RANGAP1: variants seen among roughly 807,000 people sequenced by gnomAD.
The protein encoded by RANGAP1 is Ran GTPase activating protein 1.
In RANGAP1, 38 loss-of-function variants were observed where a neutral mutation model predicts 63.5. The observed-to-expected ratio is 0.60, with a 90% CI of 0.46 to 0.78. The LOEUF (loss-of-function observed/expected upper bound fraction) is 0.78. RANGAP1 is among the 30% of genes least tolerant of loss of function. The probability of loss-of-function intolerance (pLI) is 0.00; values close to 1 mark genes in which losing one functional copy is unlikely to be tolerated. For missense variants in RANGAP1, 630 were observed against 740.3 expected, an observed-to-expected ratio of 0.85 and a Z score of 1.73; for synonymous variants, 329 against 310.5, an observed-to-expected ratio of 1.06 and a Z score of -0.63.
the RANGAP1 span, among the ~76,000 whole-genome samples, chr22:41,302,050 C>G: frequency 2.0e-5 from 3 of 152,270 alleles, no homozygotes; most frequent in South Asian, 2.1e-4. This position sits in a 1 kb window ranked among gnomAD's most constrained non-coding sequence, Gnocchi z 5.7. Context: ...CCGGGGGCAC[C>G]TGGCGCTGGG....
rs374556452 is a variant in RANGAP1, at chr22:41,263,372, CTGTT to C, written c.480+1288_480+1291del. ...CTGACGCAAACGTTTTTATATGTTT[CTGTT>C]TGTTTGTTTGTTTGTTTGTTTTTTT... On this transcript the variant is annotated intron_variant, in intron 5 of 15. Coordinates refer to ENST00000356244, the MANE Select transcript of RANGAP1 (RefSeq NM_002883.4). Among the ~76,000 whole-genome samples the C allele has an allele frequency of 3.7e-3, 570 of 152,132 alleles. 3 individuals are homozygous for C. Among genetic ancestry groups the C allele is most frequent in the East Asian group, 0.026 (136 of 5,168 alleles).
intron 2 of RANGAP1, chr22:41,280,578 G>T: frequency 9.5e-7 from 1 of 1,056,090 alleles, no homozygotes; most frequent in Non-Finnish European, 1.3e-6. Flanking sequence ...GCCTGCCTGG[G>T]ATCATGGGGG....
intron 1 of RANGAP1, chr22:41,281,730 C>CA: frequency 1.3e-6 from 1 of 789,122 alleles, no homozygotes; most frequent in Non-Finnish European, 1.5e-6. Flanking sequence ...GACAGGGCTG[C>CA]TACCTATGAA....
At chr22:41,268,512 C>A (rs2034613732) in intron 3 of RANGAP1, among the ~76,000 whole-genome samples, 1 of 152,002 alleles carries the variant, frequency 6.6e-6, no homozygotes, top group African/African-American at 2.4e-5. Context: ...ACCTTGGTCT[C>A]CCAAAGTGCT....
At chr22:41,297,893 C>T in the RANGAP1 span, among the ~76,000 whole-genome samples, 3 of 146,474 alleles carry the variant, frequency 2.0e-5, no homozygotes, top group African/African-American at 7.6e-5. Flanking sequence ...GAGTCTCGCT[C>T]TTGTCACCCA....
chr22:41,247,865 C>T (rs1481822532), intron 15 of RANGAP1, among the ~76,000 whole-genome samples: 2 of 152,216 alleles, frequency 1.3e-5, no homozygotes, highest in African/African-American at 4.8e-5. Flanking sequence ...CATGTCACTA[C>T]ATAGTTAATC....
Position 41,273,494 on chromosome 22 carries a change from G to A in RANGAP1, c.240+1106C>T, listed in dbSNP as rs116884467. 5.8e-3 allele frequency among the ~76,000 whole-genome samples: 882 copies of A among 152,182 alleles called. 60 individuals carry two copies. The East Asian group carries it at 0.15, about 25-fold the overall frequency. On this transcript the variant is annotated intron_variant, in intron 3 of 15. Transcript: ENST00000356244. ...CTTCAGGAGAACTTGCCAGCCGCAC[G>A]CAGTGGCTCACGCCTGTAATCCCAG...
At chr22:41,288,670 G>A (rs990649103), upstream of RANGAP1, among the ~76,000 whole-genome samples, 13 of 152,026 alleles carry the variant, frequency 8.6e-5, no homozygotes, top group African/African-American at 1.9e-4. Context: ...AGCTGATCCC[G>A]TCCTCATCCA....
At chr22:41,284,861 A>G (rs1403092906) in intron 1 of RANGAP1, 1 of 152,262 alleles carries the variant, frequency 6.6e-6, no homozygotes, top group Admixed American at 6.6e-5. Context: ...GTTTCAAAAA[A>G]TAAATTAACC....
At chr22:41,268,327 C>A (rs1238673813) in intron 3 of RANGAP1, among the ~76,000 whole-genome samples, 171 bp from the exon 4 acceptor site, 1 of 152,090 alleles carries the variant, frequency 6.6e-6, no homozygotes, top group Non-Finnish European at 1.5e-5. Flanking sequence ...GCGATCTCAG[C>A]TGATCACAAT....
chr22:41,274,813 T>C, intron 2 of RANGAP1, 86 bp from the exon 3 acceptor site: 1 of 1,544,256 alleles, frequency 6.5e-7, no homozygotes, highest in Non-Finnish European at 8.8e-7. Context: ...ACCTTGCCAC[T>C]CAACAGTCTA....
At chr22:41,266,749 G>A (rs1274146338) in intron 4 of RANGAP1, among the ~76,000 whole-genome samples, 1 of 152,208 alleles carries the variant, frequency 6.6e-6, no homozygotes, top group East Asian at 1.9e-4. Flanking sequence ...GGCCAGGCTG[G>A]TCTCCAACTC....
Position 41,256,136 on chromosome 22 carries a change from G to A in RANGAP1, c.989-31C>T, listed in dbSNP as rs561046766. 8.0e-5 allele frequency: 129 copies of A among 1,613,876 alleles called. No homozygotes were observed. In the South Asian group the frequency reaches 1.2e-3, roughly 15 times the overall value. On this transcript the variant is annotated intron_variant, in intron 9 of 15. Transcript: ENST00000356244. ...CAAGGGGAGGGAAGAGCAGTCAGCC[G>A]GGGTGCCAGGGCCAGCCTAGCAGAC...
At chr22:41,283,424 G>A (rs2035598509) in intron 1 of RANGAP1, among the ~76,000 whole-genome samples, 1 of 152,114 alleles carries the variant, frequency 6.6e-6, no homozygotes, top group South Asian at 2.1e-4. Flanking sequence ...CAGGAGAATT[G>A]CTTGAACCCG....
At chr22:41,286,617 G>T (rs985349704), upstream of RANGAP1, among the ~76,000 whole-genome samples, 2 of 152,198 alleles carry the variant, frequency 1.3e-5, no homozygotes, top group African/African-American at 2.4e-5. Context: ...CGAAAGAAAA[G>T]ACTCTTTTCC....
chr22:41,287,038 T>G (rs979220582), upstream of RANGAP1, among the ~76,000 whole-genome samples: 1 of 152,180 alleles, frequency 6.6e-6, no homozygotes, highest in African/African-American at 2.4e-5. Context: ...GGGATTGCTA[T>G]AAAGGACAAT....
Position 41,256,250 on chromosome 22 carries a change from G to C in RANGAP1, c.929C>G (p.Ala310Gly). The C allele has an allele frequency of 6.2e-7, 1 of 1,614,174 alleles. No homozygotes were observed. The highest frequency in any genetic ancestry group is 8.5e-7 in the Non-Finnish European group (1 of 1,180,034). Residue 310 changes from alanine to glycine, a missense_variant, in exon 9 of 16, where the codon GCC becomes GGC. By Grantham distance (60) the Ala-to-Gly change is moderately conservative. Coordinates refer to ENST00000356244, the MANE Select transcript of RANGAP1 (RefSeq NM_002883.4). ...TGCCATGGCCTCAGCAACAGCCAGG[G>C]CAGCATCCCTCTTGATTTCACAGAA... ...LSFCEIKRDA[A>G]LAVAEAMADK...
chr22:41,285,691 G>A (rs947189244), intron 1 of RANGAP1: 2 of 984,882 alleles, frequency 2.0e-6, no homozygotes, highest in African/African-American at 3.5e-5. Flanking sequence ...CGGCGGACTC[G>A]CACCGCCTCC....
At chr22:41,266,605 C>T (rs2034489831) in intron 4 of RANGAP1, among the ~76,000 whole-genome samples, 1 of 152,236 alleles carries the variant, frequency 6.6e-6, no homozygotes, top group Admixed American at 6.5e-5. Context: ...ACAATCTCAG[C>T]TCACTGCAAC....
Sources: allele counts gnomAD v4.1 joint callset (sites outside exome capture counted in the v4.1 genomes callset), GRCh38; gene constraint gnomAD v4.1.1; non-coding constraint Gnocchi (gnomAD v3.1); transcripts MANE v1.5; gene names NCBI Gene and HGNC (gene_info 2026-07-23, HGNC 2026-07-21).